Variants in NSMCE1 observed in about 807,000 individuals in gnomAD.
NSMCE1 encodes the protein NSE1 component of SMC5/6 complex, also known as non-structural maintenance of chromosomes element 1 homolog.
Under a neutral mutation model 29.6 loss-of-function variants are expected in NSMCE1, and 18 were observed. The observed-to-expected ratio is 0.61, with a 90% CI of 0.42 to 0.90. The LOEUF is 0.90. Ranked by LOEUF, NSMCE1 falls within the 40% of genes least tolerant of loss-of-function variation. The pLI, the probability that NSMCE1 is intolerant of heterozygous loss-of-function variation, is 0.00. For missense variants in NSMCE1, 314 were observed against 343.6 expected, an observed-to-expected ratio of 0.91 and a Z score of 0.68; for synonymous variants, 124 against 133.4, an observed-to-expected ratio of 0.93 and a Z score of 0.49.
chr16:27,235,065 C>A, intron 3 of NSMCE1, 113 bp downstream of exon 3: 1 of 986,152 alleles, frequency 1.0e-6, no homozygotes, highest in Non-Finnish European at 1.5e-6. Flanking sequence ...TTTGGAGTGA[C>A]TTCTTTGCAA....
intron 2 of NSMCE1, among the ~76,000 whole-genome samples, chr16:27,246,605 C>T (rs1295473001): frequency 6.6e-6 from 1 of 152,196 alleles, no homozygotes; most frequent in Non-Finnish European, 1.5e-5. Flanking sequence ...ATCCTCCCAC[C>T]TCAGCCTCTG....
chr16:27,261,427 A>G (rs1276123865), intron 1 of NSMCE1, among the ~76,000 whole-genome samples: 1 of 151,994 alleles, frequency 6.6e-6, no homozygotes, highest in Non-Finnish European at 1.5e-5. Context: ...AATATCTGCA[A>G]TTAACATACT....
intron 5 of NSMCE1, among the ~76,000 whole-genome samples, chr16:27,231,476 A>G (rs2083761634): frequency 6.6e-6 from 1 of 152,186 alleles, no homozygotes; most frequent in East Asian, 1.9e-4. Context: ...GTCTCTACTA[A>G]AAATAGAAAA....
In NSMCE1 at chr16:27,265,832, A is replaced by G. The variant is rs549711606; in HGVS notation, c.-12+2874T>C. ...ATAAAATCGAAAACTCAGCAAAAGC[A>G]TACATTCATTCATTAGAAATACACA... On this transcript the variant is annotated intron_variant, in intron 1 of 7. Coordinates refer to ENST00000361439, the MANE Select transcript of NSMCE1 (RefSeq NM_145080.4). Among the ~76,000 whole-genome samples, 11 of 152,356 alleles carry G rather than the reference A, an allele frequency of 7.2e-5. No individual in the cohort carries two copies. In the South Asian group the frequency reaches 1.9e-3, roughly 26 times the overall value.
At chr16:27,228,064 C>G (rs1488883645) in intron 5 of NSMCE1, among the ~76,000 whole-genome samples, 13 of 152,100 alleles carry the variant, frequency 8.5e-5, no homozygotes, top group Admixed American at 3.9e-4. Flanking sequence ...GGATTGCAGG[C>G]GTGAGTCACC....
At chr16:27,242,358 GTTC>G (rs977277568) in intron 2 of NSMCE1, among the ~76,000 whole-genome samples, 32 of 151,566 alleles carry the variant, frequency 2.1e-4, no homozygotes, top group African/African-American at 7.8e-4. Flanking sequence ...TGTACACAGA[GTTC>G]TTTTCTTCTT....
At chr16:27,255,873 T>C (rs2084081787) in intron 2 of NSMCE1, among the ~76,000 whole-genome samples, 1 of 152,186 alleles carries the variant, frequency 6.6e-6, no homozygotes, top group African/African-American at 2.4e-5. Context: ...TTTTGAAAAG[T>C]ATAAAATGAT....
chr16:27,266,424 T>C (rs1052897728), intron 1 of NSMCE1: 7 of 152,146 alleles, frequency 4.6e-5, no homozygotes, highest in African/African-American at 1.7e-4. Context: ...GGGATTAGCA[T>C]AGACATGTAT....
intron 2 of NSMCE1, among the ~76,000 whole-genome samples, chr16:27,249,523 GAA>G (rs1193619718): frequency 6.6e-6 from 1 of 152,132 alleles, no homozygotes; most frequent in African/African-American, 2.4e-5. Context: ...ACTCATTTTG[GAA>G]AAGACTATTT....
chr16:27,257,290 A>G, intron 2 of NSMCE1, 145 bp downstream of exon 2: 2 of 578,186 alleles, frequency 3.5e-6, no homozygotes, highest in Non-Finnish European at 5.6e-6. Flanking sequence ...GAAATTAGAA[A>G]GATGGGCCCG....
chr16:27,237,966 C>T (rs572602204), intron 2 of NSMCE1, among the ~76,000 whole-genome samples: 10 of 152,214 alleles, frequency 6.6e-5, no homozygotes, highest in African/African-American at 1.2e-4. Flanking sequence ...TCCTTCCACA[C>T]GCTTCCTGCA....
chr16:27,254,637 G>GTGGT (rs1420575091), intron 2 of NSMCE1, among the ~76,000 whole-genome samples: 14 of 152,128 alleles, frequency 9.2e-5, no homozygotes, highest in Admixed American at 9.2e-4. Context: ...CCAGGCTGGA[G>GTGGT]TGCAGTGGTG....
chr16:27,239,405 G>A (rs546110680), intron 2 of NSMCE1, among the ~76,000 whole-genome samples: 1 of 152,330 alleles, frequency 6.6e-6, no homozygotes, highest in East Asian at 1.9e-4. Context: ...GCATGTCTGA[G>A]GATCCTTTTG....
rs1343696556 is a variant in NSMCE1, at chr16:27,257,662, C to G, written c.-11-81G>C. ...TGGGTCTTGTACTAATTTACATTAA[C>G]AAATATAAATTTGCTATCATTTTTA... On this transcript the variant is annotated intron_variant, in intron 1 of 7. Coordinates refer to ENST00000361439, the MANE Select transcript of NSMCE1 (RefSeq NM_145080.4). The G allele has an allele frequency of 3.4e-6, 4 of 1,159,466 alleles. No homozygotes were observed. The African/African-American group carries it at 6.3e-5, about 18-fold the overall frequency. The allele number at this position is 1,159,466 out of a possible 1,614,324, so 71.8% of individuals were successfully genotyped here. A position where few individuals can be genotyped will look rare whatever the true frequency, so the allele number is the denominator to read the frequency against.
intron 2 of NSMCE1, among the ~76,000 whole-genome samples, chr16:27,246,042 G>A (rs115317971): frequency 0.021 from 3,259 of 152,304 alleles, 115 homozygotes; most frequent in African/African-American, 0.073. Context: ...GGAGTCCAGC[G>A]TGAGACGACG....
In NSMCE1 at chr16:27,251,159, AATAT is replaced by A. The variant is rs1166070119; in HGVS notation, c.136+6272_136+6275del. ...CCCAGCCTTAATTTTAATTATTTAA[AATAT>A]ATATATATATATATATATATATATA... On this transcript the variant is annotated intron_variant, in intron 2 of 7. Transcript: ENST00000361439. 3.2e-3 allele frequency among the ~76,000 whole-genome samples: 212 copies of A among 65,764 alleles called. 5 individuals carry two copies. The South Asian group carries it at 0.044, about 14-fold the overall frequency. 43.1% of individuals were successfully genotyped at this position (65,764 alleles called of 152,430 possible).
intron 1 of NSMCE1, among the ~76,000 whole-genome samples, chr16:27,266,817 C>G (rs896799346): frequency 1.3e-5 from 2 of 151,746 alleles, no homozygotes; most frequent in African/African-American, 4.8e-5. Context: ...AAGTATATGC[C>G]TTTTTATTCA....
intron 5 of NSMCE1, 73 bp from the exon 6 acceptor site, chr16:27,226,909 G>T: frequency 1.1e-6 from 1 of 932,804 alleles, no homozygotes; most frequent in South Asian, 1.4e-5. Context: ...TTCCCTCTGT[G>T]ATCCCACAGC....
chr16:27,266,345 A>T (rs2084224725), intron 1 of NSMCE1: 1 of 152,298 alleles, frequency 6.6e-6, no homozygotes, highest in Admixed American at 6.5e-5. Context: ...TGGAAGAAAG[A>T]CAACCATAAG....
Sources: allele counts gnomAD v4.1 joint callset (sites outside exome capture counted in the v4.1 genomes callset), GRCh38; gene constraint gnomAD v4.1.1; transcripts MANE v1.5; gene names NCBI Gene and HGNC (gene_info 2026-07-23, HGNC 2026-07-21).